RAB3C: variants seen among roughly 807,000 people sequenced by gnomAD.
RAB3C encodes ras-related protein Rab-3C.
Under a neutral mutation model 26.4 loss-of-function variants are expected in RAB3C, and 17 were observed. That is an observed-to-expected ratio of 0.64 (90% CI 0.44 to 0.97). RAB3C has a LOEUF of 0.97. RAB3C is among the 50% of genes least tolerant of loss of function. The pLI, the probability that RAB3C is intolerant of heterozygous loss-of-function variation, is 0.00. For missense variants in RAB3C, 242 were observed against 281.9 expected (o/e 0.86, Z 1.01); for synonymous variants, 91 against 95.9 (o/e 0.95, Z 0.30).
At chr5:58,653,801 G>A (rs1469474259) in intron 2 of RAB3C, among the ~76,000 whole-genome samples, 1 of 152,168 alleles carries the variant, frequency 6.6e-6, no homozygotes, top group East Asian at 1.9e-4. Flanking sequence ...GACATCATTA[G>A]TCTTGAGCTG....
chr5:58,609,447 T>C (rs905101467), intron 1 of RAB3C, among the ~76,000 whole-genome samples: 3 of 152,154 alleles, frequency 2.0e-5, no homozygotes, highest in Non-Finnish European at 4.4e-5. Flanking sequence ...ATGGTTGAAC[T>C]AGTTACACCT....
At chr5:58,636,570 G>A (rs1340696071) in intron 2 of RAB3C, among the ~76,000 whole-genome samples, 2 of 151,968 alleles carry the variant, frequency 1.3e-5, no homozygotes, top group Non-Finnish European at 2.9e-5. Context: ...TCCATCGTTT[G>A]GATTTTATAT....
chr5:58,791,899 T>C (rs992907369), intron 3 of RAB3C, among the ~76,000 whole-genome samples: 1 of 152,266 alleles, frequency 6.6e-6, no homozygotes, highest in East Asian at 1.9e-4. Context: ...TTTTTGGCAC[T>C]GGCCTTCCAT....
chr5:58,627,638 G>T (rs1747088238), intron 2 of RAB3C, among the ~76,000 whole-genome samples: 1 of 151,982 alleles, frequency 6.6e-6, no homozygotes, highest in South Asian at 2.1e-4. Context: ...TCAGTAGTAG[G>T]CATATTCTTC....
intron 4 of RAB3C, 106 bp from the exon 5 acceptor site, chr5:58,851,058 A>G: frequency 1.8e-6 from 2 of 1,086,072 alleles, no homozygotes; most frequent in South Asian, 1.6e-5. Context: ...CCTACCACCC[A>G]CTGATGTCTC....
chr5:58,756,793 A>G (rs1435199882), intron 3 of RAB3C, among the ~76,000 whole-genome samples: 1 of 150,732 alleles, frequency 6.6e-6, no homozygotes, highest in African/African-American at 2.5e-5. Flanking sequence ...TTATGGCTGC[A>G]CAGTATTCCA....
chr5:58,790,550 G>C (rs966350570), intron 3 of RAB3C, among the ~76,000 whole-genome samples: 1 of 152,114 alleles, frequency 6.6e-6, no homozygotes, highest in African/African-American at 2.4e-5. Context: ...AGGGAAACAA[G>C]GACCACTAGC....
intron 3 of RAB3C, among the ~76,000 whole-genome samples, chr5:58,797,002 C>CACACACAA (rs1371021150): frequency 6.6e-6 from 1 of 151,714 alleles, no homozygotes; most frequent in Non-Finnish European, 1.5e-5. Context: ...CACACAGACA[C>CACACACAA]ACACACACAC....
At chr5:58,736,396 T>A (rs184275976) in intron 3 of RAB3C, among the ~76,000 whole-genome samples, 109 of 152,354 alleles carry the variant, frequency 7.2e-4, no homozygotes, top group African/African-American at 2.5e-3. Context: ...CTTTGCATAC[T>A]TGACCTCACC....
chr5:58,745,763 T>C (rs1253257324), intron 3 of RAB3C, among the ~76,000 whole-genome samples: 2 of 152,220 alleles, frequency 1.3e-5, no homozygotes, highest in African/African-American at 2.4e-5. Context: ...CAAGCACTTA[T>C]TATATTCTAC....
intron 2 of RAB3C, among the ~76,000 whole-genome samples, chr5:58,632,217 C>T (rs1179308731): frequency 4.6e-5 from 7 of 152,264 alleles, no homozygotes; most frequent in East Asian, 1.9e-4. Flanking sequence ...CAGTTTTTTA[C>T]GCTGGGGTTT....
chr5:58,691,112 G>T (rs79298366), intron 2 of RAB3C, among the ~76,000 whole-genome samples: 3,171 of 151,900 alleles, frequency 0.021, 113 homozygotes, highest in African/African-American at 0.072. Context: ...AAAAAAAATG[G>T]ATAAATTGCT....
chr5:58,796,888 TC>T (rs2112021015), intron 3 of RAB3C, among the ~76,000 whole-genome samples: 1 of 151,984 alleles, frequency 6.6e-6, no homozygotes, highest in East Asian at 1.9e-4. Context: ...GCAGTCATCT[TC>T]CCTGGGCACA....
intron 2 of RAB3C, among the ~76,000 whole-genome samples, chr5:58,663,133 T>C (rs1315665523): frequency 3.3e-5 from 5 of 150,370 alleles, no homozygotes; most frequent in African/African-American, 1.3e-4. Flanking sequence ...AGAAAAGTTA[T>C]GTCTAAATAT....
At chr5:58,824,746 TAA>T (rs1376137350) in intron 3 of RAB3C, among the ~76,000 whole-genome samples, 1 of 152,112 alleles carries the variant, frequency 6.6e-6, no homozygotes, top group Non-Finnish European at 1.5e-5. Flanking sequence ...AGCTATTACA[TAA>T]GGTGGGGTAA....
chr5:58,834,719 A>G (rs1227331476), intron 4 of RAB3C, among the ~76,000 whole-genome samples: 2 of 152,180 alleles, frequency 1.3e-5, no homozygotes, highest in African/African-American at 4.8e-5. Context: ...TTGGCTAAGT[A>G]TTCCCAGGAG....
At chr5:58,612,765 G>A (rs1746743260) in intron 1 of RAB3C, among the ~76,000 whole-genome samples, 1 of 151,742 alleles carries the variant, frequency 6.6e-6, no homozygotes, top group Non-Finnish European at 1.5e-5. Flanking sequence ...CATGTAGTCT[G>A]CAAACAGGGA....
At chr5:58,603,826 G>T (rs916221844) in intron 1 of RAB3C, among the ~76,000 whole-genome samples, 1 of 152,034 alleles carries the variant, frequency 6.6e-6, no homozygotes, top group African/African-American at 2.4e-5. Context: ...ATTTCTTCTT[G>T]GTTTGGATTC....
intron 3 of RAB3C, among the ~76,000 whole-genome samples, chr5:58,727,452 T>G (rs1041230140): frequency 6.6e-6 from 1 of 152,036 alleles, no homozygotes; most frequent in Non-Finnish European, 1.5e-5. Context: ...TTTAGTAAAC[T>G]GAATGTTGTA....
Sources: gnomAD v4.1 joint callset for allele counts (sites outside exome capture counted in the v4.1 genomes callset) on GRCh38, gnomAD v4.1.1 for gene constraint, MANE v1.5 for transcripts, NCBI Gene and HGNC (gene_info 2026-07-23, HGNC 2026-07-21) for gene names.